Variants in RAB5A observed in about 807,000 individuals in gnomAD.
The protein encoded by RAB5A is RAB5A, member RAS oncogene family, also known as ras-related protein Rab-5A.
A neutral mutation model predicts 25.7 loss-of-function variants in RAB5A; 8 were observed. The observed-to-expected ratio is 0.31, with a 90% CI of 0.18 to 0.56. The LOEUF is 0.56. Among genes scored for constraint, RAB5A ranks in the 20% least tolerant of loss-of-function variants. The pLI is 0.91. For missense variants in RAB5A, 192 were observed against 259.7 expected (o/e 0.74, Z 1.79); for synonymous variants, 98 against 89.8 (o/e 1.09, Z -0.52).
chr3:19,961,023 C>T (rs549611107), intron 2 of RAB5A, among the ~76,000 whole-genome samples: 3 of 152,214 alleles, frequency 2.0e-5, no homozygotes, highest in South Asian at 4.1e-4. Context: ...TAGTTACTAT[C>T]GTTTTTATTT....
intron 2 of RAB5A, among the ~76,000 whole-genome samples, chr3:19,975,256 T>C (rs960108113): frequency 6.6e-6 from 1 of 151,828 alleles, no homozygotes; most frequent in African/African-American, 2.4e-5. Flanking sequence ...AATGTAGTCT[T>C]AAGTTTATTT....
In RAB5A at chr3:19,983,639, G is replaced by C. The variant is rs1185197372; in HGVS notation, c.533-69G>C. On this transcript the variant is annotated intron_variant, in intron 5 of 5. Transcript: ENST00000273047. Reference sequence around the variant, plus strand: ...AACCTAACTGGAAAGAAAAATTATAGATAAGCAGGTGAAACTGATATTAAT... The same window carrying C: ...AACCTAACTGGAAAGAAAAATTATACATAAGCAGGTGAAACTGATATTAAT... 16 of 1,010,350 alleles carry C rather than the reference G, an allele frequency of 1.6e-5. No homozygotes were observed. In the Admixed American group the frequency reaches 3.1e-4, roughly 19 times the overall value. The allele number at this position is 1,010,350 out of a possible 1,614,324, so 62.6% of individuals were successfully genotyped here.
rs201422065 is a variant in RAB5A at position 19,978,316 on chromosome 3, C to T, written c.445C>T (p.Gln149Ter). The change falls in exon 5 of 6, where the codon CAG becomes TAG. Residue 149 changes from glutamine (Q) to a stop codon, truncating the protein, a stop_gained. Coordinates refer to ENST00000273047, the MANE Select transcript of RAB5A (RefSeq NM_004162.5). LOFTEE classifies it high-confidence loss of function. ...NKRAVDFQEA[Q>*]SYADDNSLLF... ...TTTTTTGTTCTGTAAACAGGAAGCA[C>T]AGTCCTATGCAGATGACAATAGTTT... 6.2e-7 allele frequency: 1 copy of T among 1,605,156 alleles called. No individual in the cohort carries two copies. The highest frequency in any genetic ancestry group is 8.5e-7 in the Non-Finnish European group (1 of 1,172,948).
intron 2 of RAB5A, among the ~76,000 whole-genome samples, chr3:19,969,031 G>GTT (rs1162365486): frequency 6.0e-5 from 6 of 99,744 alleles, no homozygotes; most frequent in Admixed American, 9.8e-5. Context: ...TTTGGTTTTG[G>GTT]TTTTTTTTTT....
chr3:19,953,446 C>T (rs1029559372), intron 2 of RAB5A, among the ~76,000 whole-genome samples: 4 of 139,686 alleles, frequency 2.9e-5, no homozygotes, highest in Admixed American at 1.5e-4. Flanking sequence ...AGGTCTCTGT[C>T]GCCCAGGCTG....
chr3:19,957,096 T>G (rs1696515031), intron 2 of RAB5A, among the ~76,000 whole-genome samples: 1 of 151,852 alleles, frequency 6.6e-6, no homozygotes, highest in Non-Finnish European at 1.5e-5. Flanking sequence ...ACTTGGCTAA[T>G]TTTTTATTTT....
At chr3:19,960,962 A>G (rs527881769) in intron 2 of RAB5A, among the ~76,000 whole-genome samples, 4 of 152,318 alleles carry the variant, frequency 2.6e-5, no homozygotes, top group Admixed American at 2.6e-4. Context: ...TTCTCAGTCA[A>G]AAAACTGTTC....
At chr3:19,951,701 G>GTTTTTTTTTTTTC (rs1553638045) in intron 2 of RAB5A, among the ~76,000 whole-genome samples, 14 of 99,010 alleles carry the variant, frequency 1.4e-4, no homozygotes, top group South Asian at 3.2e-4. Context: ...TGCCAGGCAA[G>GTTTTTTTTTTTTC]TTTTTTTTTT....
chr3:19,972,090 T>C (rs147817102), intron 2 of RAB5A, among the ~76,000 whole-genome samples: 192 of 152,026 alleles, frequency 1.3e-3, no homozygotes, highest in Admixed American at 9.3e-3. Flanking sequence ...CAATATGATG[T>C]CACAAGTGAA....
At chr3:19,951,720 A>T (rs865970074) in intron 2 of RAB5A, among the ~76,000 whole-genome samples, 3 of 17,940 alleles carry the variant, frequency 1.7e-4, no homozygotes, top group South Asian at 1.4e-3. Flanking sequence ...TTTTTTTTTT[A>T]AGAGTCAGAG....
At chr3:19,979,276 A>G (rs898977565) in intron 5 of RAB5A, among the ~76,000 whole-genome samples, 2 of 139,012 alleles carry the variant, frequency 1.4e-5, no homozygotes, top group African/African-American at 5.4e-5. Context: ...CACCCAGCCT[A>G]AGGTACTTTC....
At chr3:19,971,477 G>GGTT (rs903046324) in intron 2 of RAB5A, among the ~76,000 whole-genome samples, 1 of 151,802 alleles carries the variant, frequency 6.6e-6, no homozygotes, top group Non-Finnish European at 1.5e-5. Context: ...TGGTGGTGGT[G>GGTT]GTTGTTGTTT....
rs879491469 is a variant in RAB5A at position 19,962,568 on chromosome 3, CAAAAA to C, written c.163+11514_163+11518del. 2.8e-5 allele frequency among the ~76,000 whole-genome samples: 4 copies of C among 142,094 alleles called. No individual in the cohort carries two copies. The South Asian group carries it at 8.9e-4, about 32-fold the overall frequency. The allele number at this position is 142,094 out of a possible 152,430, so 93.2% of individuals were successfully genotyped here. On this transcript the variant is annotated intron_variant, in intron 2 of 5. Transcript: ENST00000273047. The stretch of plus-strand genomic sequence containing the variant: ...TGGGCAACAGAGCGAGAGTCCATCT[CAAAAA>C]AAAAAAGTACTGTCTGCCGTAAGAC...
intron 2 of RAB5A, among the ~76,000 whole-genome samples, chr3:19,955,932 A>G (rs1045751136): frequency 1.3e-5 from 2 of 152,128 alleles, no homozygotes; most frequent in African/African-American, 4.8e-5. Context: ...ACCTAGTTTG[A>G]GAATTACATG....
At chr3:19,974,420 T>G (rs908793080) in intron 2 of RAB5A, among the ~76,000 whole-genome samples, 1 of 152,098 alleles carries the variant, frequency 6.6e-6, no homozygotes, top group Non-Finnish European at 1.5e-5. Flanking sequence ...CCCAGAGTGC[T>G]GGGATTACAG....
At chr3:19,958,294 A>C (rs1273543067) in intron 2 of RAB5A, among the ~76,000 whole-genome samples, 1 of 152,250 alleles carries the variant, frequency 6.6e-6, no homozygotes, top group Non-Finnish European at 1.5e-5. Flanking sequence ...GTACATATTC[A>C]GAATTTGAGA....
chr3:19,978,598 T>A (rs1428014227), intron 5 of RAB5A, 195 bp downstream of exon 5: 3 of 496,718 alleles, frequency 6.0e-6, no homozygotes, highest in Non-Finnish European at 1.1e-5. Flanking sequence ...GTTGGTAATA[T>A]TGTTAAATTT....
intron 2 of RAB5A, among the ~76,000 whole-genome samples, chr3:19,957,555 C>A (rs942214057): frequency 1.3e-4 from 19 of 151,108 alleles, no homozygotes; most frequent in East Asian, 3.9e-4. Flanking sequence ...TCCAGCTACT[C>A]GGGAGGCTGA....
chr3:19,979,441 G>A (rs921475123), intron 5 of RAB5A, among the ~76,000 whole-genome samples: 1 of 150,892 alleles, frequency 6.6e-6, no homozygotes, highest in African/African-American at 2.4e-5. Context: ...CCACCACCAT[G>A]CCCGACTAAT....
Sources: allele counts gnomAD v4.1 joint callset (sites outside exome capture counted in the v4.1 genomes callset), GRCh38; gene constraint gnomAD v4.1.1; transcripts MANE v1.5; gene names NCBI Gene and HGNC (gene_info 2026-07-23, HGNC 2026-07-21).